NPEPPS: variants seen among roughly 807,000 people sequenced by gnomAD.
The protein encoded by NPEPPS is puromycin-sensitive aminopeptidase.
A neutral mutation model predicts 115.5 loss-of-function variants in NPEPPS; 14 were observed. The observed-to-expected ratio is 0.12, with a 90% CI of 0.08 to 0.19. NPEPPS has a LOEUF of 0.19. Ranked by LOEUF, NPEPPS falls within the 10% of genes least tolerant of loss-of-function variation. The pLI is 1.00. For synonymous variants in NPEPPS, 285 were observed against 390.6 expected (o/e 0.73, Z 3.19); for missense variants, 523 against 1,110.8 (o/e 0.47, Z 7.52).
chr17:47,569,389 T>C, intron 2 of NPEPPS, 28 bp from the exon 3 acceptor site: 1 of 1,455,582 alleles, frequency 6.9e-7, no homozygotes. Context: ...CAGTCAGAAT[T>C]GTAAAGTAAT....
intron 2 of NPEPPS, among the ~76,000 whole-genome samples, chr17:47,553,789 C>T (rs1227437790): frequency 6.7e-6 from 1 of 148,180 alleles, no homozygotes; most frequent in Non-Finnish European, 1.5e-5. Context: ...GTTGCTCTGT[C>T]GCCCAGGCTG....
intron 9 of NPEPPS, among the ~76,000 whole-genome samples, chr17:47,589,793 CTT>C (rs781221713): frequency 2.6e-5 from 4 of 152,176 alleles, no homozygotes; most frequent in South Asian, 2.1e-4. Context: ...AAGCAGTACT[CTT>C]TCTCAGTTTC....
chr17:47,569,248 T>C (rs926922678), intron 2 of NPEPPS, among the ~76,000 whole-genome samples, 169 bp from the exon 3 acceptor site: 4 of 152,256 alleles, frequency 2.6e-5, no homozygotes, highest in Non-Finnish European at 1.5e-5. Flanking sequence ...GTAGATAATG[T>C]AGCCTAGAAT....
chr17:47,535,277 C>T (rs1212880368), intron 1 of NPEPPS, among the ~76,000 whole-genome samples: 2 of 128,596 alleles, frequency 1.6e-5, no homozygotes, highest in African/African-American at 3.0e-5. Context: ...AAAGGCTGGG[C>T]GCGGTGGCTC....
intron 1 of NPEPPS, among the ~76,000 whole-genome samples, chr17:47,524,405 C>T (rs1400649033): frequency 1.3e-5 from 2 of 151,920 alleles, no homozygotes; most frequent in African/African-American, 4.8e-5. Flanking sequence ...CTTACTGCAG[C>T]CTCAAACTCC....
intron 5 of NPEPPS, among the ~76,000 whole-genome samples, 173 bp downstream of exon 5, chr17:47,583,022 T>A (rs56169041): frequency 6.6e-6 from 1 of 150,818 alleles, no homozygotes; most frequent in Non-Finnish European, 1.5e-5. Flanking sequence ...TTTTTTTTTT[T>A]TTTTCTGTAG....
intron 1 of NPEPPS, among the ~76,000 whole-genome samples, chr17:47,535,236 C>T (rs1327546808): frequency 1.3e-5 from 1 of 75,188 alleles, no homozygotes; most frequent in Non-Finnish European, 2.3e-5. Flanking sequence ...GAGCAAGACT[C>T]TGTCTCAAAA....
At chr17:47,569,916 GC>G (rs1451971299) in intron 3 of NPEPPS, among the ~76,000 whole-genome samples, 1 of 152,140 alleles carries the variant, frequency 6.6e-6, no homozygotes, top group Admixed American at 6.5e-5. Flanking sequence ...ACCGCGCCCA[GC>G]CGTATTAAGA....
intron 1 of NPEPPS, among the ~76,000 whole-genome samples, chr17:47,543,672 T>G (rs1456319684): frequency 1.3e-5 from 2 of 151,908 alleles, no homozygotes; most frequent in Admixed American, 1.3e-4. Flanking sequence ...ATATTAAAGT[T>G]TTTCAGAACA....
chr17:47,544,755 C>A (rs1909074303), intron 1 of NPEPPS, among the ~76,000 whole-genome samples: 1 of 141,560 alleles, frequency 7.1e-6, no homozygotes, highest in Non-Finnish European at 1.5e-5. Flanking sequence ...ACTCTGTCGC[C>A]CAGGCTGCAG....
At chr17:47,526,914 C>T (rs2611999), upstream of NPEPPS, among the ~76,000 whole-genome samples, 6 of 152,082 alleles carry the variant, frequency 3.9e-5, no homozygotes, top group South Asian at 2.1e-4. Context: ...GCTGAGATCG[C>T]GCCACTGCAT....
At chr17:47,619,922 A>G (rs1364178799) in intron 22 of NPEPPS, 138 bp downstream of exon 22, 1 of 682,500 alleles carries the variant, frequency 1.5e-6, no homozygotes, top group Non-Finnish European at 2.5e-6. Context: ...GCAGGGCTGT[A>G]TAGGCCATAT....
At chr17:47,610,396 G>C (rs531802723) in intron 17 of NPEPPS, among the ~76,000 whole-genome samples, 22 of 148,150 alleles carry the variant, frequency 1.5e-4, no homozygotes, top group Non-Finnish European at 2.5e-4. Context: ...TTTTTTTTTG[G>C]GGGGGGGTAA....
At chr17:47,590,371 A>G (rs1912425742) in intron 9 of NPEPPS, among the ~76,000 whole-genome samples, 1 of 152,070 alleles carries the variant, frequency 6.6e-6, no homozygotes, top group Non-Finnish European at 1.5e-5. Flanking sequence ...TAAAAATACA[A>G]AAATTAGGCA....
chr17:47,572,037 G>T (rs1911230908), intron 3 of NPEPPS, among the ~76,000 whole-genome samples: 1 of 123,546 alleles, frequency 8.1e-6, no homozygotes, highest in Admixed American at 8.8e-5. Flanking sequence ...CTAGTAGTGA[G>T]CGGGCAGCCA....
chr17:47,603,719 A>T, intron 15 of NPEPPS, 196 bp from the exon 16 acceptor site: 1 of 447,006 alleles, frequency 2.2e-6, no homozygotes, highest in East Asian at 3.4e-5. Context: ...CACAATTTCA[A>T]GTTTCCCTTT....
At chr17:47,619,573 TTAAA>T in intron 21 of NPEPPS, 160 bp from the exon 22 acceptor site, 1 of 643,388 alleles carries the variant, frequency 1.6e-6, no homozygotes. Flanking sequence ...AAAAGTTTCC[TTAAA>T]TAGTTACTGG....
Position 47,548,975 on chromosome 17 carries a change from A to T in NPEPPS, c.340+2982A>T, listed in dbSNP as rs547677394. On this transcript the variant is annotated intron_variant, in intron 2 of 22. Transcript: ENST00000322157. ...TAGTGTTCTTACTAAGAGAGTCAGG[A>T]GAGAAATGAAAACTTAATGGAAAAG... 2.4e-4 allele frequency among the ~76,000 whole-genome samples: 36 copies of T among 152,316 alleles called. No individual in the cohort carries two copies. The East Asian group carries it at 5.4e-3, about 23-fold the overall frequency.
At chr17:47,597,113 C>T (rs1912928267) in intron 13 of NPEPPS, among the ~76,000 whole-genome samples, 1 of 151,886 alleles carries the variant, frequency 6.6e-6, no homozygotes, top group African/African-American at 2.4e-5. Flanking sequence ...ATGCAAATAG[C>T]ACATAATCAC....
Sources: allele counts gnomAD v4.1 joint callset (sites outside exome capture counted in the v4.1 genomes callset), GRCh38; gene constraint gnomAD v4.1.1; transcripts MANE v1.5; gene names NCBI Gene and HGNC (gene_info 2026-07-23, HGNC 2026-07-21).